The following PPP2R1B variants were observed in gnomAD, a reference collection of about 807,000 sequenced individuals.
The protein encoded by PPP2R1B is protein phosphatase 2 scaffold subunit Abeta.
In PPP2R1B, 58 loss-of-function variants were observed where a neutral mutation model predicts 72.7. The observed-to-expected ratio is 0.80, with a 90% CI of 0.65 to 0.99. The LOEUF (loss-of-function observed/expected upper bound fraction) is 0.99, where lower values mean the gene tolerates loss of function less well. Ranked by LOEUF, PPP2R1B falls within the 50% of genes least tolerant of loss-of-function variation. PPP2R1B has a pLI of 0.00. For missense variants in PPP2R1B, 695 were observed against 733.6 expected (o/e 0.95, Z 0.61); for synonymous variants, 256 against 264.6 (o/e 0.97, Z 0.32).
In PPP2R1B at chr11:111,760,964, T is replaced by G; in HGVS notation, c.394A>C (p.Thr132Pro). The change falls in exon 4 of 15, where the codon ACT (threonine) becomes CCT (proline). Residue 132 changes from threonine (T) to proline (P), a missense_variant. Physicochemically the swap from Thr to Pro is conservative, Grantham distance 38. Coordinates refer to ENST00000527614, the MANE Select transcript of PPP2R1B (RefSeq NM_002716.5). ...AAATAAGCTTCCAGAGCAACAGGAG[T>G]ATGCTCCTGGGAGATCTGTCTCAGG... ...ESLRQISQEHTPVALEAYFVP... is the reference protein window; with the variant it reads ...ESLRQISQEHPPVALEAYFVP... 6.2e-7 allele frequency: 1 copy of G among 1,614,040 alleles called. No individual in the cohort carries two copies. Among genetic ancestry groups the G allele is most frequent in the Non-Finnish European group, 8.5e-7 (1 of 1,179,988 alleles).
At chr11:111,743,608 C>A in intron 11 of PPP2R1B, 78 bp from the exon 12 acceptor site, 1 of 1,510,102 alleles carries the variant, frequency 6.6e-7, no homozygotes, top group Non-Finnish European at 8.9e-7. Flanking sequence ...ACATGAAAAT[C>A]AAATGTGGAC....
chr11:111,761,901 AG>A (rs1381634086), intron 3 of PPP2R1B, among the ~76,000 whole-genome samples: 1 of 152,200 alleles, frequency 6.6e-6, no homozygotes. Context: ...CAGAGGTTGC[AG>A]TGAGCCGAGA....
the PPP2R1B span, among the ~76,000 whole-genome samples, chr11:111,700,397 A>G: frequency 6.9e-6 from 1 of 145,968 alleles, no homozygotes; most frequent in Non-Finnish European, 1.5e-5. Context: ...GTTACTTAGG[A>G]AACACTGCAC....
At chr11:111,756,784 C>A (rs1432707644) in intron 5 of PPP2R1B, among the ~76,000 whole-genome samples, 1 of 152,178 alleles carries the variant, frequency 6.6e-6, no homozygotes, top group African/African-American at 2.4e-5. Context: ...CAACGTGACA[C>A]CTACGTCCTT....
the PPP2R1B span, among the ~76,000 whole-genome samples, chr11:111,705,506 C>T: frequency 6.6e-5 from 10 of 151,996 alleles, no homozygotes; most frequent in African/African-American, 1.7e-4. This position sits in a 1 kb window ranked among gnomAD's most constrained non-coding sequence, Gnocchi z 4.3. Flanking sequence ...TCAGAGACAT[C>T]GCGCTATAAA....
Position 111,754,634 on chromosome 11 carries a change from A to G in PPP2R1B, c.959-65T>C, listed in dbSNP as rs1431680100. 4.5e-6 allele frequency: 7 copies of G among 1,554,578 alleles called. 1 individual carries two copies. In the East Asian group the frequency reaches 9.1e-5, roughly 20 times the overall value. On this transcript the variant is annotated intron_variant, in intron 7 of 14. Coordinates refer to ENST00000527614, the MANE Select transcript of PPP2R1B (RefSeq NM_002716.5). The stretch of plus-strand genomic sequence containing the variant: ...CATTTACAAAGAGCCAAATGAGGAC[A>G]TTTAACCAGGTTTATCAATAATTTC...
Position 111,739,605 on chromosome 11 carries a change from G to T in PPP2R1B, c.*1991C>A. 1 of 985,372 alleles carries T rather than the reference G, an allele frequency of 1.0e-6. No individual in the cohort carries two copies. The highest frequency in any genetic ancestry group is 4.7e-5 in the South Asian group (1 of 21,272). The allele number at this position is 985,372 out of a possible 1,614,324, so 61.0% of individuals were successfully genotyped here. ...AGTCAATGCTTAGGGCTCCTCACTG[G>T]GAGACACAAGGGCATTTTAAAAGTC... On this transcript the variant is annotated 3_prime_UTR_variant, in exon 15 of 15. Coordinates refer to ENST00000527614, the MANE Select transcript of PPP2R1B (RefSeq NM_002716.5).
intron 10 of PPP2R1B, among the ~76,000 whole-genome samples, chr11:111,751,423 C>T (rs1319013839): frequency 6.6e-6 from 1 of 152,140 alleles, no homozygotes; most frequent in Non-Finnish European, 1.5e-5. Flanking sequence ...AAATATGTTT[C>T]TGTAATACAG....
At chr11:111,746,840 G>A (rs1248328634) in intron 11 of PPP2R1B, among the ~76,000 whole-genome samples, 1 of 152,062 alleles carries the variant, frequency 6.6e-6, no homozygotes, top group Non-Finnish European at 1.5e-5. Flanking sequence ...AGAGAAAGAA[G>A]TCTACAATCC....
chr11:111,720,782 CT>C, the PPP2R1B span: 4 of 1,573,186 alleles, frequency 2.5e-6, no homozygotes, highest in Non-Finnish European at 3.4e-6. Context: ...TCCTCCTCTG[CT>C]TTTTGAAACT....
chr11:111,754,091 A>AT (rs1555048804), intron 8 of PPP2R1B, among the ~76,000 whole-genome samples: 2 of 151,658 alleles, frequency 1.3e-5, no homozygotes, highest in African/African-American at 4.9e-5. Flanking sequence ...TAATTTTTGT[A>AT]TTTTTTGTAG....
chr11:111,746,525 G>A (rs1944710798), intron 11 of PPP2R1B, among the ~76,000 whole-genome samples: 1 of 152,194 alleles, frequency 6.6e-6, no homozygotes, highest in South Asian at 2.1e-4. Context: ...CCTAATGCAT[G>A]TGGGGCTTAA....
chr11:111,763,560 A>G (rs556146867), intron 3 of PPP2R1B, among the ~76,000 whole-genome samples: 1 of 152,332 alleles, frequency 6.6e-6, no homozygotes, highest in Admixed American at 6.5e-5. Context: ...GGCTGGTAAT[A>G]GGAGGGATGG....
chr11:111,723,683 G>C, downstream of PPP2R1B: 3 of 1,613,886 alleles, frequency 1.9e-6, no homozygotes, highest in East Asian at 2.2e-5. Flanking sequence ...CCCCGTCCTG[G>C]AGCCTTCCTC....
chr11:111,692,635 T>G, the PPP2R1B span, among the ~76,000 whole-genome samples: 5 of 152,176 alleles, frequency 3.3e-5, no homozygotes, highest in Non-Finnish European at 4.4e-5. Flanking sequence ...CTAGGATATT[T>G]ATTTTTATCT....
the PPP2R1B span, among the ~76,000 whole-genome samples, chr11:111,717,518 G>A: frequency 6.6e-6 from 1 of 152,090 alleles, no homozygotes; most frequent in Non-Finnish European, 1.5e-5. Flanking sequence ...TTCAACCATT[G>A]TGGAAGACAG....
chr11:111,689,763 G>C, the PPP2R1B span, among the ~76,000 whole-genome samples: 1 of 152,138 alleles, frequency 6.6e-6, no homozygotes, highest in Non-Finnish European at 1.5e-5. Flanking sequence ...ACATTGAACT[G>C]ATTTGTTTCT....
At chr11:111,711,954 T>G in the PPP2R1B span, among the ~76,000 whole-genome samples, 5 of 152,250 alleles carry the variant, frequency 3.3e-5, no homozygotes, top group African/African-American at 1.2e-4. Flanking sequence ...TCTCGTCACC[T>G]GCGTGAAAGT....
At chr11:111,719,843 C>T in the PPP2R1B span, 2 of 1,613,968 alleles carry the variant, frequency 1.2e-6, no homozygotes, top group African/African-American at 2.7e-5. Flanking sequence ...CACTGCCCAG[C>T]AACATGATGG....
Sources: allele counts gnomAD v4.1 joint callset (sites outside exome capture counted in the v4.1 genomes callset), GRCh38; gene constraint gnomAD v4.1.1; non-coding constraint Gnocchi (gnomAD v3.1); transcripts MANE v1.5; gene names NCBI Gene and HGNC (gene_info 2026-07-23, HGNC 2026-07-21).